SLC14A2: variants seen among roughly 807,000 people sequenced by gnomAD.
The protein encoded by SLC14A2 is urea transporter 2.
Under a neutral mutation model 104.6 loss-of-function variants are expected in SLC14A2, and 91 were observed. That is an observed-to-expected ratio of 0.87 (90% CI 0.73 to 1.04). The LOEUF is 1.04. Ranked by LOEUF, SLC14A2 falls within the 50% of genes least tolerant of loss-of-function variation. SLC14A2 has a pLI of 0.00. For synonymous variants in SLC14A2, 476 were observed against 466.4 expected (o/e 1.02, Z -0.27); for missense variants, 1,189 against 1,156.0 (o/e 1.03, Z -0.41).
chr18:45,331,615 C>T (rs1388008924), intron 1 of SLC14A2, among the ~76,000 whole-genome samples: 1 of 151,246 alleles, frequency 6.6e-6, no homozygotes, highest in Non-Finnish European at 1.5e-5. Flanking sequence ...GGCATGAACC[C>T]AGGAGGCGGA....
chr18:45,655,155 T>C (rs369284329), intron 10 of SLC14A2, among the ~76,000 whole-genome samples: 2 of 152,234 alleles, frequency 1.3e-5, no homozygotes, highest in East Asian at 3.9e-4. Context: ...GTCCCCCTTT[T>C]ACATACTCAG....
intron 2 of SLC14A2, among the ~76,000 whole-genome samples, chr18:45,499,020 C>G (rs2043147836): frequency 6.6e-6 from 1 of 152,204 alleles, no homozygotes; most frequent in Admixed American, 6.5e-5. Context: ...ACTTTCACCT[C>G]ATTTGGCCTG....
At chr18:45,494,627 C>A (rs1339481386) in intron 2 of SLC14A2, among the ~76,000 whole-genome samples, 1 of 151,926 alleles carries the variant, frequency 6.6e-6, no homozygotes, top group African/African-American at 2.4e-5. Context: ...GTCTCAAACT[C>A]CTGACCTCAG....
chr18:45,659,809 T>A (rs2045905446), intron 10 of SLC14A2, among the ~76,000 whole-genome samples: 1 of 152,138 alleles, frequency 6.6e-6, no homozygotes, highest in East Asian at 1.9e-4. Context: ...ATCTAATGAC[T>A]TTGTCCATTA....
intron 1 of SLC14A2, among the ~76,000 whole-genome samples, chr18:45,379,713 TG>T (rs1317568648): frequency 6.6e-6 from 1 of 152,240 alleles, no homozygotes; most frequent in Non-Finnish European, 1.5e-5. Flanking sequence ...ACACCAAGTG[TG>T]GGATTATTTT....
chr18:45,168,167 A>T, the SLC14A2 span, among the ~76,000 whole-genome samples: 1 of 152,210 alleles, frequency 6.6e-6, no homozygotes, highest in East Asian at 1.9e-4. Context: ...TGTCATCCTC[A>T]TCAAGCTTTA....
At chr18:45,468,366 A>C (rs1292641210) in intron 1 of SLC14A2, among the ~76,000 whole-genome samples, 1 of 152,090 alleles carries the variant, frequency 6.6e-6, no homozygotes, top group Non-Finnish European at 1.5e-5. Context: ...TTTAGCAAAA[A>C]TCAATGCTTT....
intron 2 of SLC14A2, among the ~76,000 whole-genome samples, chr18:45,506,895 C>A (rs573408390): frequency 6.6e-6 from 1 of 152,198 alleles, no homozygotes; most frequent in Non-Finnish European, 1.5e-5. Context: ...TCTGCCCAGA[C>A]GTAAAGTGAG....
intron 1 of SLC14A2, among the ~76,000 whole-genome samples, chr18:45,287,313 C>T (rs1485846013): frequency 6.6e-6 from 1 of 152,240 alleles, no homozygotes; most frequent in Non-Finnish European, 1.5e-5. Flanking sequence ...GAAATTACTA[C>T]AACTTGCAAT....
At chr18:45,510,034 C>T (rs1469958039) in intron 2 of SLC14A2, among the ~76,000 whole-genome samples, 1 of 152,160 alleles carries the variant, frequency 6.6e-6, no homozygotes, top group African/African-American at 2.4e-5. Flanking sequence ...AAACATTTCT[C>T]CCTCACCTCC....
intron 12 of SLC14A2, 27 bp downstream of exon 12, chr18:45,666,246 G>A (rs754316155): frequency 1.3e-6 from 2 of 1,503,738 alleles, no homozygotes; most frequent in Non-Finnish European, 9.3e-7. Flanking sequence ...CTGAATCAGG[G>A]ACAGCGCCCT....
chr18:45,612,651 T>C (rs73423771), upstream of SLC14A2, among the ~76,000 whole-genome samples: 828 of 152,344 alleles, frequency 5.4e-3, 10 homozygotes, highest in African/African-American at 0.017. Flanking sequence ...AGAGAGGTTG[T>C]GGGGCTTCCC....
chr18:45,629,045 T>C (rs2045304712), intron 4 of SLC14A2, among the ~76,000 whole-genome samples: 1 of 152,228 alleles, frequency 6.6e-6, no homozygotes, highest in Admixed American at 6.5e-5. Flanking sequence ...CTTGGAGGCA[T>C]GACCTGCATC....
At chr18:45,238,406 A>C (rs2084277645) in intron 1 of SLC14A2, among the ~76,000 whole-genome samples, 1 of 152,194 alleles carries the variant, frequency 6.6e-6, no homozygotes, top group South Asian at 2.1e-4. Context: ...AAGATCCAAA[A>C]GGTAAGATGG....
intron 2 of SLC14A2, among the ~76,000 whole-genome samples, chr18:45,486,399 T>C (rs1408796681): frequency 2.0e-5 from 3 of 152,110 alleles, no homozygotes; most frequent in Non-Finnish European, 4.4e-5. Flanking sequence ...TGGATTTTCC[T>C]AGAGGCTGAG....
chr18:45,597,207 G>C (rs933314062), intron 2 of SLC14A2, among the ~76,000 whole-genome samples: 1 of 152,122 alleles, frequency 6.6e-6, no homozygotes, highest in African/African-American at 2.4e-5. Flanking sequence ...TGTGCCTGTA[G>C]TCCCAGCTAC....
intron 1 of SLC14A2, among the ~76,000 whole-genome samples, chr18:45,349,001 C>T (rs973267485): frequency 6.6e-6 from 1 of 152,176 alleles, no homozygotes; most frequent in African/African-American, 2.4e-5. Flanking sequence ...TCTCTTGTAT[C>T]GGTGATAAAC....
At chr18:45,327,981 T>C (rs1382733815) in intron 1 of SLC14A2, among the ~76,000 whole-genome samples, 1 of 152,164 alleles carries the variant, frequency 6.6e-6, no homozygotes, top group African/African-American at 2.4e-5. Context: ...CATGTTTGTA[T>C]GGGGATAGCT....
intron 1 of SLC14A2, among the ~76,000 whole-genome samples, chr18:45,228,624 G>A (rs964485947): frequency 6.6e-6 from 1 of 152,074 alleles, no homozygotes; most frequent in African/African-American, 2.4e-5. Flanking sequence ...TCTTAGTTAG[G>A]GGGTGGAAAG....
Sources: gnomAD v4.1 joint callset for allele counts (sites outside exome capture counted in the v4.1 genomes callset) on GRCh38, gnomAD v4.1.1 for gene constraint, MANE v1.5 for transcripts, NCBI Gene and HGNC (gene_info 2026-07-23, HGNC 2026-07-21) for gene names.